The following SNX24 variants were observed in gnomAD, a reference collection of about 807,000 sequenced individuals.
SNX24 encodes the protein sorting nexin-24.
In SNX24, 22 loss-of-function variants were observed where a neutral mutation model predicts 28.7. That is an observed-to-expected ratio of 0.77 (90% CI 0.55 to 1.10). SNX24 has a LOEUF of 1.10. Among genes scored for constraint, SNX24 ranks in the 50% least tolerant of loss-of-function variants. The probability of loss-of-function intolerance (pLI) is 0.00; values close to 1 mark genes in which losing one functional copy is unlikely to be tolerated. For missense variants in SNX24, 221 were observed against 201.1 expected, an observed-to-expected ratio of 1.10 and a Z score of -0.60; for synonymous variants, 69 against 71.5, an observed-to-expected ratio of 0.96 and a Z score of 0.18.
At chr5:122,889,653 A>ATATATATGTGTATATATATATGTG (rs1335904150) in intron 1 of SNX24, among the ~76,000 whole-genome samples, 118 of 147,408 alleles carry the variant, frequency 8.0e-4, no homozygotes, top group African/African-American at 2.9e-3. Context: ...ATACATATGT[A>ATATATATGTGTATATATATATGTG]TATATATGTG....
At chr5:122,888,124 T>G (rs950971610) in intron 1 of SNX24, among the ~76,000 whole-genome samples, 2 of 152,268 alleles carry the variant, frequency 1.3e-5, no homozygotes, top group East Asian at 3.8e-4. Flanking sequence ...CTTATCCTTT[T>G]GAGCAGATTA....
intron 1 of SNX24, among the ~76,000 whole-genome samples, chr5:122,916,652 C>A (rs1047399949): frequency 4.7e-4 from 71 of 152,286 alleles, no homozygotes; most frequent in Admixed American, 1.7e-3. Context: ...CCTGATGACA[C>A]CCCTGCCCTT....
chr5:122,910,211 A>G (rs1757821232), intron 1 of SNX24, among the ~76,000 whole-genome samples: 2 of 152,180 alleles, frequency 1.3e-5, no homozygotes, highest in African/African-American at 4.8e-5. Context: ...CAGGGTTTGT[A>G]TGCTTTGCTG....
intron 1 of SNX24, among the ~76,000 whole-genome samples, chr5:122,856,347 C>A (rs1755189496): frequency 6.6e-6 from 1 of 152,074 alleles, no homozygotes; most frequent in African/African-American, 2.4e-5. Flanking sequence ...CGTATATGTA[C>A]CGAGATTTCT....
At position 122,872,022 on chromosome 5, in the gene SNX24, A is replaced by G. The variant is rs536321455; in HGVS notation, c.60+26329A>G. On this transcript the variant is annotated intron_variant, in intron 1 of 6. Coordinates refer to ENST00000261369, the MANE Select transcript of SNX24 (RefSeq NM_014035.4). Reference sequence around the variant, plus strand: ...ATCATACCAGGCACAAAGAACTCACAATGTGGAGCAGCTATTGTTATTTCT... The same window carrying G: ...ATCATACCAGGCACAAAGAACTCACGATGTGGAGCAGCTATTGTTATTTCT... 2.0e-5 allele frequency among the ~76,000 whole-genome samples: 3 copies of G among 151,650 alleles called. No homozygotes were observed. In the East Asian group the frequency reaches 5.8e-4, roughly 29 times the overall value.
At chr5:122,955,203 G>T (rs955195475) in intron 3 of SNX24, among the ~76,000 whole-genome samples, 3 of 151,664 alleles carry the variant, frequency 2.0e-5, no homozygotes, top group Non-Finnish European at 2.9e-5. Flanking sequence ...ATATTTTTTA[G>T]TTGTAAAATT....
At chr5:122,985,676 G>T (rs1761574344) in intron 3 of SNX24, among the ~76,000 whole-genome samples, 1 of 152,186 alleles carries the variant, frequency 6.6e-6, no homozygotes, top group Admixed American at 6.5e-5. Context: ...TGTGAACTGG[G>T]CCTCCAGCTG....
chr5:122,918,009 GGCA>G (rs1456209917), intron 1 of SNX24, among the ~76,000 whole-genome samples: 2 of 152,196 alleles, frequency 1.3e-5, no homozygotes, highest in African/African-American at 4.8e-5. Context: ...GAACCTGAGA[GGCA>G]GAGCTTGCAG....
At chr5:123,017,083 CA>C (rs1452343585) in intron 5 of SNX24, among the ~76,000 whole-genome samples, 5 of 152,172 alleles carry the variant, frequency 3.3e-5, no homozygotes, top group Admixed American at 6.5e-5. Flanking sequence ...GCACCGAGAT[CA>C]AACCTGTGAC....
At chr5:122,926,098 T>G (rs1169470056) in intron 1 of SNX24, among the ~76,000 whole-genome samples, 1 of 152,112 alleles carries the variant, frequency 6.6e-6, no homozygotes, top group East Asian at 1.9e-4. Context: ...TAGAGAATTA[T>G]GGGAGCTAGT....
At chr5:122,848,466 G>A (rs886976595) in intron 1 of SNX24, among the ~76,000 whole-genome samples, 1 of 151,960 alleles carries the variant, frequency 6.6e-6, no homozygotes, top group Non-Finnish European at 1.5e-5. Flanking sequence ...CACTTTGGGA[G>A]GCCGAGGTGG....
At chr5:122,933,338 C>T (rs779439759) in intron 1 of SNX24, among the ~76,000 whole-genome samples, 2 of 152,316 alleles carry the variant, frequency 1.3e-5, no homozygotes, top group East Asian at 1.9e-4. Context: ...CCCAATCTCA[C>T]GTGCCGATTG....
intron 1 of SNX24, among the ~76,000 whole-genome samples, chr5:122,860,673 T>G (rs1755419606): frequency 6.6e-6 from 1 of 152,196 alleles, no homozygotes; most frequent in Non-Finnish European, 1.5e-5. Flanking sequence ...CTTAGCTCAC[T>G]GCAAGCTCTG....
At chr5:122,862,601 C>CAA (rs1211312668) in intron 1 of SNX24, among the ~76,000 whole-genome samples, 9 of 56,004 alleles carry the variant, frequency 1.6e-4, no homozygotes, top group African/African-American at 4.0e-4. Flanking sequence ...GACTCTGTCT[C>CAA]AAAAAAAAAA....
At chr5:122,926,388 G>A (rs552712050) in intron 1 of SNX24, among the ~76,000 whole-genome samples, 1 of 152,294 alleles carries the variant, frequency 6.6e-6, no homozygotes, top group South Asian at 2.1e-4. Flanking sequence ...TGCAGGGCAG[G>A]AGTGAAGCAG....
At chr5:122,889,644 T>C (rs1385313235) in intron 1 of SNX24, among the ~76,000 whole-genome samples, 2 of 147,054 alleles carry the variant, frequency 1.4e-5, no homozygotes, top group African/African-American at 2.5e-5. Flanking sequence ...TATATACACA[T>C]ACATATGTAT....
rs566604201 is a variant in SNX24, at chr5:123,025,671, A to T, written n.384-3567A>T. On this transcript the variant is annotated intron_variant and non_coding_transcript_variant, in intron 5 of 5. Coordinates refer to the SNX24 transcript ENST00000502387. ...TAATTTATTCACCTTTGAAGAGGCC[A>T]GTCAGCTATATAATGGATCTCTAAC... The T allele has an allele frequency of 3.5e-5, 38 of 1,078,066 alleles. No homozygotes were observed. The African/African-American group carries it at 6.2e-4, about 17-fold the overall frequency. The allele number at this position is 1,078,066 out of a possible 1,614,324, so 66.8% of individuals were successfully genotyped here.
chr5:122,909,142 G>T (rs143784725), intron 1 of SNX24, among the ~76,000 whole-genome samples: 1 of 152,072 alleles, frequency 6.6e-6, no homozygotes, highest in Non-Finnish European at 1.5e-5. Context: ...CAAGGGACTC[G>T]CAGTCTCAGA....
intron 2 of SNX24, among the ~76,000 whole-genome samples, chr5:122,941,293 C>G (rs1759433826): frequency 6.6e-6 from 1 of 152,134 alleles, no homozygotes; most frequent in Non-Finnish European, 1.5e-5. Flanking sequence ...TTTGAGGGAA[C>G]CATTATTCTG....
Sources: allele counts gnomAD v4.1 joint callset (sites outside exome capture counted in the v4.1 genomes callset), GRCh38; gene constraint gnomAD v4.1.1; transcripts MANE v1.5; gene names NCBI Gene and HGNC (gene_info 2026-07-23, HGNC 2026-07-21).